Variants in TMEM132D observed in about 807,000 individuals in gnomAD.
TMEM132D encodes transmembrane protein 132D.
TMEM132D carries 21 observed loss-of-function variants against 62.3 expected under a neutral mutation model. The ratio of observed to expected loss-of-function variants is 0.34; its 90% CI spans 0.24 to 0.49. TMEM132D has a LOEUF of 0.49. Among genes scored for constraint, TMEM132D ranks in the 20% least tolerant of loss-of-function variants. The probability of loss-of-function intolerance (pLI) is 0.99; values close to 1 mark genes in which losing one functional copy is unlikely to be tolerated. For synonymous variants in TMEM132D, 621 were observed against 575.6 expected (o/e 1.08, Z -1.13); for missense variants, 1,346 against 1,402.8 (o/e 0.96, Z 0.65).
intron 3 of TMEM132D, among the ~76,000 whole-genome samples, chr12:129,517,987 T>C (rs1875732433): frequency 6.6e-6 from 1 of 152,192 alleles, no homozygotes; most frequent in Non-Finnish European, 1.5e-5. Flanking sequence ...TCATTCTAAT[T>C]TACCTGGCAA....
intron 2 of TMEM132D, among the ~76,000 whole-genome samples, chr12:129,597,262 G>A (rs7967283): frequency 0.44 from 67,534 of 152,012 alleles, 15,471 homozygotes; most frequent in East Asian, 0.62. Context: ...GCTGATCTCA[G>A]TGGGAGAGGT....
At chr12:129,503,861 TTCC>T (rs952415939) in intron 3 of TMEM132D, among the ~76,000 whole-genome samples, 25 of 152,234 alleles carry the variant, frequency 1.6e-4, no homozygotes, top group Middle Eastern at 3.4e-3. Context: ...CTTCCAGATT[TTCC>T]TCCTCCTCCT....
At chr12:129,679,134 T>C (rs1880714531) in intron 2 of TMEM132D, among the ~76,000 whole-genome samples, 1 of 151,694 alleles carries the variant, frequency 6.6e-6, no homozygotes, top group Admixed American at 6.6e-5. Context: ...AAAACCTAGT[T>C]TTTTTTTTTG....
chr12:129,549,756 C>A (rs1423564424), intron 2 of TMEM132D, among the ~76,000 whole-genome samples: 1 of 152,192 alleles, frequency 6.6e-6, no homozygotes, highest in Non-Finnish European at 1.5e-5. Context: ...TGTTTGTCAC[C>A]TTTGGTGGAA....
At chr12:129,669,575 C>T (rs1425478864) in intron 2 of TMEM132D, among the ~76,000 whole-genome samples, 4 of 152,008 alleles carry the variant, frequency 2.6e-5, no homozygotes, top group Admixed American at 6.5e-5. Context: ...CATGGTGGCT[C>T]GTGCCTGTAG....
At chr12:129,623,486 T>C (rs1879125831) in intron 2 of TMEM132D, among the ~76,000 whole-genome samples, 1 of 152,042 alleles carries the variant, frequency 6.6e-6, no homozygotes, top group Admixed American at 6.5e-5. Context: ...TGACTTTGCA[T>C]ACCCATAACT....
At chr12:129,717,356 GA>G (rs1165369360) in intron 1 of TMEM132D, among the ~76,000 whole-genome samples, 3 of 152,136 alleles carry the variant, frequency 2.0e-5, no homozygotes, top group Admixed American at 2.0e-4. Flanking sequence ...AGTCTGCACT[GA>G]AGTTACACAG....
chr12:129,753,097 A>G lies in TMEM132D; in HGVS notation c.80-52399T>C, dbSNP rs560775149. Reference sequence around the variant, plus strand: ...AAAGTCATGGCTAACAGGACAAGTAAAGTGAAACATTATCTCTCACAAAGC... The same window carrying G: ...AAAGTCATGGCTAACAGGACAAGTAGAGTGAAACATTATCTCTCACAAAGC... On this transcript the variant is annotated intron_variant, in intron 1 of 8. Transcript: ENST00000422113. 8.5e-5 allele frequency among the ~76,000 whole-genome samples: 13 copies of G among 152,312 alleles called. No homozygotes were observed. In the South Asian group the frequency reaches 2.7e-3, roughly 32 times the overall value.
chr12:129,832,616 T>A (rs1183655256), intron 1 of TMEM132D, among the ~76,000 whole-genome samples: 1 of 152,054 alleles, frequency 6.6e-6, no homozygotes, highest in Non-Finnish European at 1.5e-5. Flanking sequence ...ACTAGGTCCA[T>A]CCCAGCATGG....
chr12:129,191,635 T>C (rs931415204), intron 5 of TMEM132D, among the ~76,000 whole-genome samples: 2 of 151,802 alleles, frequency 1.3e-5, no homozygotes, highest in Non-Finnish European at 2.9e-5. Flanking sequence ...GAGATATATA[T>C]GTATATTTAT....
At chr12:129,298,845 A>G (rs1881638100) in intron 4 of TMEM132D, among the ~76,000 whole-genome samples, 2 of 152,210 alleles carry the variant, frequency 1.3e-5, no homozygotes, top group South Asian at 4.1e-4. Context: ...GGCACTGAAC[A>G]AGATGGCCCC....
At chr12:129,661,110 G>A (rs1210997045) in intron 2 of TMEM132D, among the ~76,000 whole-genome samples, 1 of 152,248 alleles carries the variant, frequency 6.6e-6, no homozygotes, top group Non-Finnish European at 1.5e-5. Flanking sequence ...GATTCGGTCT[G>A]CAGCTGTGCT....
chr12:129,152,356 G>A (rs188280113), intron 5 of TMEM132D, among the ~76,000 whole-genome samples: 38 of 152,216 alleles, frequency 2.5e-4, no homozygotes, highest in African/African-American at 8.4e-4. Context: ...AGAGCCCCAG[G>A]TCCATCTCAT....
At chr12:129,180,637 G>C (rs1878039059) in intron 5 of TMEM132D, among the ~76,000 whole-genome samples, 1 of 152,184 alleles carries the variant, frequency 6.6e-6, no homozygotes, top group Non-Finnish European at 1.5e-5. Flanking sequence ...AGTTAAAGAA[G>C]CAGGCAGTCA....
Position 129,084,553 on chromosome 12 carries a change from G to A in TMEM132D, c.1593C>T (p.Ser531=), listed in dbSNP as rs376143160. The change falls in exon 6 of 9, where the codon TCC becomes TCT. Residue 531 remains serine (S), a synonymous_variant. Coordinates refer to ENST00000422113, the MANE Select transcript of TMEM132D (RefSeq NM_133448.3). ...VPRLPLQIEV[S]DTELNQIKGW... ...CCTTGATCTGATTGAGCTCGGTGTC[G>A]GAGACCTCGATCTGCAGCGGAAGCC... The A allele has an allele frequency of 5.9e-5, 96 of 1,613,448 alleles. No homozygotes were observed. Among genetic ancestry groups the A allele is most frequent in the Non-Finnish European group, 7.4e-5 (87 of 1,179,742 alleles).
intron 5 of TMEM132D, among the ~76,000 whole-genome samples, chr12:129,159,601 T>C (rs112396681): frequency 0.052 from 7,917 of 151,500 alleles, 488 homozygotes; most frequent in African/African-American, 0.14. Context: ...TACTAAAAAA[T>C]ACAAAATAAA....
rs749875520 is a variant in TMEM132D, at chr12:129,700,302, C to T, written c.476G>A (p.Arg159His). The T allele has an allele frequency of 1.9e-6, 3 of 1,613,660 alleles. No individual in the cohort carries two copies. The highest frequency in any genetic ancestry group is 2.5e-6 in the Non-Finnish European group (3 of 1,179,986). The change falls in exon 2 of 9, where the codon CGC becomes CAC. Residue 159 changes from arginine to histidine, a missense_variant. Arg to His is a conservative substitution (Grantham distance 29). Transcript: ENST00000422113. ...FHIMGRDWDD[R>H]SAGEKLPCLR... ...GCACGGCAGCTTCTCCCCGGCGCTGCGGTCGTCCCAGTCTCTGCCCATGAT... is the reference window on the plus strand; with the variant it reads ...GCACGGCAGCTTCTCCCCGGCGCTGTGGTCGTCCCAGTCTCTGCCCATGAT...
intron 3 of TMEM132D, among the ~76,000 whole-genome samples, chr12:129,382,042 C>G (rs557148602): frequency 6.6e-6 from 1 of 152,288 alleles, no homozygotes; most frequent in South Asian, 2.1e-4. Flanking sequence ...CTACCGTGTC[C>G]TTTAAAAAAC....
At chr12:129,495,780 G>A (rs1220141170) in intron 3 of TMEM132D, among the ~76,000 whole-genome samples, 3 of 152,138 alleles carry the variant, frequency 2.0e-5, no homozygotes, top group African/African-American at 4.8e-5. Flanking sequence ...GTTTCGTGGG[G>A]ATGTCTCTAT....
Sources: gnomAD v4.1 joint callset for allele counts (sites outside exome capture counted in the v4.1 genomes callset) on GRCh38, gnomAD v4.1.1 for gene constraint, MANE v1.5 for transcripts, NCBI Gene and HGNC (gene_info 2026-07-23, HGNC 2026-07-21) for gene names.